ZNF469: variants seen among roughly 807,000 people sequenced by gnomAD.
ZNF469 encodes zinc finger protein 469.
A neutral mutation model predicts 1.0 loss-of-function variants in ZNF469; 1 was observed. The ratio of observed to expected loss-of-function variants is 1.00; its 90% confidence interval spans 0.35 to 4.73. The LOEUF (loss-of-function observed/expected upper bound fraction) is 4.73. Ranked by LOEUF, ZNF469 falls within the 30% of genes most tolerant of loss-of-function variation. ZNF469 has a pLI of 0.16. For synonymous variants in ZNF469, 2,703 were observed against 2,363.4 expected, an observed-to-expected ratio of 1.14 and a Z score of -4.17; for missense variants, 6,100 against 5,356.3, an observed-to-expected ratio of 1.14 and a Z score of -4.33.
chr16:88,217,447 T>G, the ZNF469 span, among the ~76,000 whole-genome samples: 1 of 152,052 alleles, frequency 6.6e-6, no homozygotes. Flanking sequence ...TCTTTTTTTT[T>G]ATTATTATTA....
the ZNF469 span, among the ~76,000 whole-genome samples, chr16:88,176,648 G>A: frequency 6.6e-6 from 1 of 152,244 alleles, no homozygotes; most frequent in Non-Finnish European, 1.5e-5. Context: ...AATGAAGGTG[G>A]GGAAGTTGTT....
the ZNF469 span, among the ~76,000 whole-genome samples, chr16:88,376,619 T>A: frequency 1.2e-4 from 19 of 152,266 alleles, no homozygotes; most frequent in Admixed American, 1.2e-3. Context: ...AGGATTCCCA[T>A]TTTGAAGGTC....
At chr16:88,267,490 G>C in the ZNF469 span, among the ~76,000 whole-genome samples, 3 of 152,236 alleles carry the variant, frequency 2.0e-5, no homozygotes, top group African/African-American at 7.2e-5. Context: ...CCCAGGGCTG[G>C]TCCACCACGG....
chr16:88,212,815 C>T, the ZNF469 span, among the ~76,000 whole-genome samples: 11 of 152,054 alleles, frequency 7.2e-5, no homozygotes, highest in African/African-American at 2.2e-4. Context: ...AACTCCTGGG[C>T]TCAAGCAATC....
At chr16:88,414,640 A>C (rs1905258473) in intron 1 of ZNF469, among the ~76,000 whole-genome samples, 1 of 152,236 alleles carries the variant, frequency 6.6e-6, no homozygotes, top group Non-Finnish European at 1.5e-5. Flanking sequence ...TTGGCACCGT[A>C]GAGGCCTCCT....
the ZNF469 span, among the ~76,000 whole-genome samples, chr16:88,152,067 C>T: frequency 4.3e-4 from 65 of 152,278 alleles, no homozygotes; most frequent in African/African-American, 1.5e-3. The surrounding 1 kb of genome is among the most constrained non-coding windows in gnomAD (Gnocchi z 4.2). Flanking sequence ...GTGGGGAAAG[C>T]CCCACAGAGA....
At chr16:88,111,269 G>A in the ZNF469 span, among the ~76,000 whole-genome samples, 6 of 152,304 alleles carry the variant, frequency 3.9e-5, no homozygotes, top group South Asian at 1.2e-3. Flanking sequence ...TTTTTTGTGG[G>A]TACGTCGTAG....
At chr16:88,137,906 A>T in the ZNF469 span, among the ~76,000 whole-genome samples, 3 of 151,948 alleles carry the variant, frequency 2.0e-5, no homozygotes, top group South Asian at 2.1e-4. Context: ...GGGTGGGAAG[A>T]GGAAGATGGG....
chr16:88,221,745 C>T, the ZNF469 span, among the ~76,000 whole-genome samples: 5 of 152,186 alleles, frequency 3.3e-5, no homozygotes, highest in African/African-American at 9.7e-5. Flanking sequence ...CCTAAGGCAT[C>T]GGCAGGGCTG....
intron 1 of ZNF469, among the ~76,000 whole-genome samples, chr16:88,394,294 C>T (rs1434473382): frequency 6.6e-6 from 1 of 152,086 alleles, no homozygotes; most frequent in Non-Finnish European, 1.5e-5. Flanking sequence ...GGGTTTGACA[C>T]GTCTACACCT....
the ZNF469 span, among the ~76,000 whole-genome samples, chr16:88,237,479 G>T: frequency 3.3e-3 from 119 of 36,118 alleles, no homozygotes; most frequent in Middle Eastern, 0.02. Context: ...CCTGCCCTCC[G>T]TGCTCCTGCC....
upstream of ZNF469, among the ~76,000 whole-genome samples, chr16:88,380,074 C>T (rs577963826): frequency 2.6e-5 from 4 of 152,144 alleles, no homozygotes; most frequent in Non-Finnish European, 5.9e-5. Context: ...CACACACAGA[C>T]ACGCACTCAC....
the ZNF469 span, among the ~76,000 whole-genome samples, chr16:88,126,210 A>C: frequency 4.1e-5 from 6 of 147,794 alleles, no homozygotes; most frequent in Admixed American, 3.4e-4. Context: ...AAAAAAAAAA[A>C]AATTCTTTGG....
chr16:88,331,120 T>TCAC, the ZNF469 span, among the ~76,000 whole-genome samples: 2 of 146,866 alleles, frequency 1.4e-5, no homozygotes, highest in South Asian at 4.5e-4. Flanking sequence ...GCCACCACCA[T>TCAC]CACCATCGTC....
chr16:88,331,737 C>T, the ZNF469 span, among the ~76,000 whole-genome samples: 1 of 149,642 alleles, frequency 6.7e-6, no homozygotes, highest in Non-Finnish European at 1.5e-5. Flanking sequence ...ACCATCACCA[C>T]TATCATCACC....
chr16:88,117,260 G>A, the ZNF469 span, among the ~76,000 whole-genome samples: 3,211 of 151,548 alleles, frequency 0.021, 104 homozygotes, highest in African/African-American at 0.073. Flanking sequence ...AGCCGGGGAC[G>A]TGTGAGAGCT....
intron 1 of ZNF469, among the ~76,000 whole-genome samples, chr16:88,394,630 T>C (rs1431485969): frequency 6.6e-6 from 1 of 152,146 alleles, no homozygotes; most frequent in Non-Finnish European, 1.5e-5. Flanking sequence ...AGGCCTGGCA[T>C]CTCCTCTGCC....
At position 88,436,954 on chromosome 16, in the gene ZNF469, C is replaced by T. The variant is rs1906627555; in HGVS notation, c.9484C>T (p.His3162Tyr). 8 of 1,495,750 alleles carry T rather than the reference C, an allele frequency of 5.3e-6. No homozygotes were observed. The highest frequency in any genetic ancestry group is 6.2e-6 in the Non-Finnish European group (7 of 1,124,150). 92.7% of individuals were successfully genotyped at this position (1,495,750 alleles called of 1,614,324 possible). ...RFGSRELLRG[H>Y]LQERHAQSKA... ...TGGCTCGCGGGAGCTGCTGCGGGGG[C>T]ACCTGCAGGAGAGGCACGCGCAGAG... The change falls in exon 3 of 3, where the codon CAC (histidine) becomes TAC (tyrosine). Residue 3162 changes from histidine (H) to tyrosine (Y), a missense_variant. His to Tyr is a moderately conservative substitution (Grantham distance 83). Coordinates refer to ENST00000565624, the MANE Select transcript of ZNF469 (RefSeq NM_001367624.2).
chr16:88,432,720 T>C lies in ZNF469; in HGVS notation c.5250T>C (p.Pro1750=), dbSNP rs753101134. The C allele has an allele frequency of 1.3e-5, 20 of 1,550,274 alleles. No homozygotes were observed. The highest frequency in any genetic ancestry group is 2.4e-5 in the South Asian group (2 of 84,062). The change falls in exon 3 of 3, where the codon CCT becomes CCC. Residue 1750 remains proline, a synonymous_variant. Coordinates refer to ENST00000565624, the MANE Select transcript of ZNF469 (RefSeq NM_001367624.2). ...GCCCCGACCAGGAACTTTCATTTCC[T>C]AAGAATAAGGAGGCCGCCAGCTCAC... The part of the protein sequence containing the change: ...KCSPDQELSF[P]KNKEAASSQE...
Sources: allele counts gnomAD v4.1 joint callset (sites outside exome capture counted in the v4.1 genomes callset), GRCh38; gene constraint gnomAD v4.1.1; non-coding constraint Gnocchi (gnomAD v3.1); transcripts MANE v1.5; gene names NCBI Gene and HGNC (gene_info 2026-07-23, HGNC 2026-07-21).